The following DOCK3 variants were observed in gnomAD, a reference collection of about 807,000 sequenced individuals.
The protein encoded by DOCK3 is dedicator of cytokinesis 3.
In DOCK3, 60 loss-of-function variants were observed where a neutral mutation model predicts 265.6. The ratio of observed to expected loss-of-function variants is 0.23; its 90% confidence interval spans 0.18 to 0.28. DOCK3 has a LOEUF of 0.28. Among genes scored for constraint, DOCK3 ranks in the 10% least tolerant of loss-of-function variants. DOCK3 has a pLI of 1.00. For synonymous variants in DOCK3, 881 were observed against 938.0 expected, an observed-to-expected ratio of 0.94 and a Z score of 1.11; for missense variants, 1,981 against 2,594.3, an observed-to-expected ratio of 0.76 and a Z score of 5.14.
chr3:50,746,775 T>C (rs1022451238), intron 1 of DOCK3, among the ~76,000 whole-genome samples: 1 of 152,010 alleles, frequency 6.6e-6, no homozygotes, highest in Non-Finnish European at 1.5e-5. Context: ...AAGTGCCACA[T>C]ACTTTTAAAC....
At chr3:51,244,480 A>G (rs2078739600) in intron 21 of DOCK3, among the ~76,000 whole-genome samples, 2 of 152,046 alleles carry the variant, frequency 1.3e-5, no homozygotes, top group African/African-American at 2.4e-5. Context: ...TCATTTTCAG[A>G]ATGTTCATTT....
chr3:51,089,316 C>A (rs1195541901), intron 8 of DOCK3, 32 bp downstream of exon 8: 9 of 1,598,436 alleles, frequency 5.6e-6, no homozygotes, highest in Non-Finnish European at 7.7e-6. Context: ...TCCAGCCTTT[C>A]CCCTCAACTT....
At chr3:51,284,092 G>A (rs1246589808) in intron 27 of DOCK3, among the ~76,000 whole-genome samples, 1 of 152,050 alleles carries the variant, frequency 6.6e-6, no homozygotes, top group Non-Finnish European at 1.5e-5. Context: ...CTCATCCCAG[G>A]AACAACTGCA....
At chr3:51,012,925 C>A (rs565097720) in intron 5 of DOCK3, among the ~76,000 whole-genome samples, 1 of 152,124 alleles carries the variant, frequency 6.6e-6, no homozygotes, top group Non-Finnish European at 1.5e-5. Context: ...ACCCTTTCTT[C>A]TACTTGATCG....
intron 12 of DOCK3, among the ~76,000 whole-genome samples, chr3:51,206,946 G>C (rs1030317091): frequency 6.6e-6 from 1 of 152,162 alleles, no homozygotes; most frequent in Non-Finnish European, 1.5e-5. Context: ...GTTCCTCTCA[G>C]TGAGAGGGCA....
intron 5 of DOCK3, among the ~76,000 whole-genome samples, chr3:51,028,219 T>A (rs1282372857): frequency 6.6e-6 from 1 of 152,214 alleles, no homozygotes; most frequent in Non-Finnish European, 1.5e-5. Context: ...TTGGCTGGCA[T>A]GTTTTTTCTT....
intron 9 of DOCK3, among the ~76,000 whole-genome samples, chr3:51,125,793 A>G (rs1036143092): frequency 6.6e-6 from 1 of 152,212 alleles, no homozygotes; most frequent in African/African-American, 2.4e-5. Flanking sequence ...ATGAAGTTAA[A>G]AAGAACAAAA....
chr3:50,874,013 C>T (rs374885275), intron 3 of DOCK3, among the ~76,000 whole-genome samples: 73 of 145,774 alleles, frequency 5.0e-4, no homozygotes, highest in African/African-American at 1.8e-3. Context: ...GCTGTAAGTA[C>T]TTGCCTGAGT....
At chr3:50,970,948 A>AATG (rs1491447563) in intron 5 of DOCK3, among the ~76,000 whole-genome samples, 12 of 51,740 alleles carry the variant, frequency 2.3e-4, no homozygotes, top group Admixed American at 1.7e-3. Flanking sequence ...TATATATATA[A>AATG]TGTGTGTGTG....
chr3:51,099,900 T>C (rs896279834), intron 9 of DOCK3, among the ~76,000 whole-genome samples: 1 of 152,220 alleles, frequency 6.6e-6, no homozygotes, highest in African/African-American at 2.4e-5. Context: ...ACTGTGGGGC[T>C]ACCTTCCAGG....
chr3:50,691,825 T>A (rs1211431507), intron 1 of DOCK3, among the ~76,000 whole-genome samples: 3 of 152,196 alleles, frequency 2.0e-5, no homozygotes, highest in Admixed American at 1.3e-4. Context: ...ATGTTGAGAA[T>A]CTTCTCATGT....
intron 12 of DOCK3, among the ~76,000 whole-genome samples, chr3:51,188,014 G>T (rs1163339280): frequency 6.6e-6 from 1 of 152,136 alleles, no homozygotes; most frequent in East Asian, 1.9e-4. Context: ...GGCAGAGTGG[G>T]CATTAGTGAC....
chr3:51,313,733 G>T (rs1286561590), intron 31 of DOCK3, among the ~76,000 whole-genome samples: 1 of 152,170 alleles, frequency 6.6e-6, no homozygotes, highest in African/African-American at 2.4e-5. Flanking sequence ...GCAGCAAGTA[G>T]GATATGAAGT....
intron 12 of DOCK3, among the ~76,000 whole-genome samples, chr3:51,185,488 T>C (rs2087544128): frequency 6.6e-6 from 1 of 152,172 alleles, no homozygotes; most frequent in South Asian, 2.1e-4. Flanking sequence ...TCTGTAAAGA[T>C]CAAACAAAAT....
intron 2 of DOCK3, among the ~76,000 whole-genome samples, chr3:50,794,037 A>G (rs2042634898): frequency 6.6e-6 from 1 of 152,124 alleles, no homozygotes. Flanking sequence ...TGTAATCGTA[A>G]GGTTTTGAGT....
At position 51,106,737 on chromosome 3, in the gene DOCK3, A is replaced by G. The variant is rs535017291; in HGVS notation, c.746+16353A>G. ...CCACCAGTACCCTGCCCCCGTGCTAACACCACCATTGTGCAAATGTGAGCA... is the reference window on the plus strand; with the variant it reads ...CCACCAGTACCCTGCCCCCGTGCTAGCACCACCATTGTGCAAATGTGAGCA... On this transcript the variant is annotated intron_variant, in intron 9 of 52. Transcript: ENST00000266037. Among the ~76,000 whole-genome samples the G allele has an allele frequency of 2.6e-5, 4 of 152,332 alleles. No individual in the cohort carries two copies. In the East Asian group the frequency reaches 5.8e-4, roughly 22 times the overall value.
chr3:51,143,970 ACT>A (rs1210693752), intron 9 of DOCK3, among the ~76,000 whole-genome samples: 17 of 152,186 alleles, frequency 1.1e-4, no homozygotes, highest in Non-Finnish European at 2.1e-4. Flanking sequence ...TTCATTTTTC[ACT>A]GAGTTGTCTT....
intron 49 of DOCK3, among the ~76,000 whole-genome samples, chr3:51,372,841 TC>T (rs917941360): frequency 6.6e-6 from 1 of 152,234 alleles, no homozygotes; most frequent in Admixed American, 6.5e-5. Context: ...GGTGCTTTTT[TC>T]ATTTCTCTTT....
intron 5 of DOCK3, among the ~76,000 whole-genome samples, chr3:50,949,041 AG>A (rs952426086): frequency 6.6e-6 from 1 of 152,204 alleles, no homozygotes; most frequent in African/African-American, 2.4e-5. Context: ...ATTCATATGG[AG>A]GAAAAAATGA....
Sources: gnomAD v4.1 joint callset for allele counts (sites outside exome capture counted in the v4.1 genomes callset) on GRCh38, gnomAD v4.1.1 for gene constraint, MANE v1.5 for transcripts, NCBI Gene and HGNC (gene_info 2026-07-23, HGNC 2026-07-21) for gene names.